NUP214: variants seen among roughly 807,000 people sequenced by gnomAD.
The protein encoded by NUP214 is nucleoporin 214.
Under a neutral mutation model 196.2 loss-of-function variants are expected in NUP214, and 79 were observed. That is an observed-to-expected ratio of 0.40 (90% confidence interval 0.34 to 0.49). The LOEUF is 0.49. Among genes scored for constraint, NUP214 ranks in the 20% least tolerant of loss-of-function variants. The pLI is 0.58. For missense variants in NUP214, 2,468 were observed against 2,539.0 expected (o/e 0.97, Z 0.60); for synonymous variants, 1,020 against 990.5 (o/e 1.03, Z -0.56).
chr9:131,186,436 T>C (rs887734444), intron 24 of NUP214, among the ~76,000 whole-genome samples: 3 of 152,272 alleles, frequency 2.0e-5, no homozygotes, highest in Non-Finnish European at 4.4e-5. Context: ...CTATCTTTTA[T>C]CTTCTAAGTT....
At chr9:131,188,208 C>T (rs1321036138) in intron 25 of NUP214, among the ~76,000 whole-genome samples, 2 of 152,328 alleles carry the variant, frequency 1.3e-5, no homozygotes, top group East Asian at 1.9e-4. Context: ...CTCCTGCAAT[C>T]CCTGTTTGTC....
At position 131,136,003 on chromosome 9, in the gene NUP214, T is replaced by G; in HGVS notation, c.1002T>G (p.Asp334Glu). 6.2e-7 allele frequency: 1 copy of G among 1,611,684 alleles called. No homozygotes were observed. The highest frequency in any genetic ancestry group is 8.5e-7 in the Non-Finnish European group (1 of 1,177,818). Residue 334 changes from aspartate (D) to glutamate (E), a missense_variant, in exon 9 of 36, where the codon GAT becomes GAG. By Grantham distance (45) the Asp-to-Glu change is conservative. Coordinates refer to ENST00000359428, the MANE Select transcript of NUP214 (RefSeq NM_005085.4). The stretch of plus-strand genomic sequence containing the variant: ...TTAGTATCCTTGCTCGACAAAGTGA[T>G]CAGGTAAATCTCTTTTTTGTCACTT... Reference protein sequence around the residue: ...TEVSILARQSDQINWESWLLE... With the variant: ...TEVSILARQSEQINWESWLLE...
intron 14 of NUP214, chr9:131,149,861 C>A (rs60917209): frequency 1.6e-3 from 244 of 155,376 alleles, no homozygotes; most frequent in African/African-American, 5.6e-3. Flanking sequence ...GCTAAGGTTT[C>A]TCCTGCCTTG....
rs923055175 is a variant in NUP214 at position 131,175,349 on chromosome 9, C to T, written c.3158-111C>T. 7 of 1,239,142 alleles carry T rather than the reference C, an allele frequency of 5.6e-6. No individual in the cohort carries two copies. The South Asian group carries it at 5.9e-5, about 10-fold the overall frequency. 76.8% of individuals were successfully genotyped at this position (1,239,142 alleles called of 1,614,324 possible). A position where few individuals can be genotyped will look rare whatever the true frequency, so the allele number is the denominator to read the frequency against. The stretch of plus-strand genomic sequence containing the variant: ...GTTTACTGGTACTTTTCTATGTTAA[C>T]GCTAATTTTAGCATTTTCCCTGCAG... On this transcript the variant is annotated intron_variant, in intron 22 of 35. Transcript: ENST00000359428.
chr9:131,179,206 A>G (rs1833198713), intron 24 of NUP214, among the ~76,000 whole-genome samples: 1 of 151,906 alleles, frequency 6.6e-6, no homozygotes, highest in Admixed American at 6.6e-5. Flanking sequence ...TTGCCATGTC[A>G]CCCCAGGCTG....
At chr9:131,221,721 G>A (rs1448427511) in intron 31 of NUP214, among the ~76,000 whole-genome samples, 1 of 152,132 alleles carries the variant, frequency 6.6e-6, no homozygotes, top group Non-Finnish European at 1.5e-5. Flanking sequence ...TTTATGCCTT[G>A]TGTCTTTGGG....
At chr9:131,219,641 G>C (rs1418819861) in intron 31 of NUP214, among the ~76,000 whole-genome samples, 1 of 152,180 alleles carries the variant, frequency 6.6e-6, no homozygotes, top group Non-Finnish European at 1.5e-5. Context: ...CACCACTGTG[G>C]ATTGTTACCC....
chr9:131,176,891 A>T (rs1833136137), intron 23 of NUP214, among the ~76,000 whole-genome samples: 1 of 152,136 alleles, frequency 6.6e-6, no homozygotes, highest in Non-Finnish European at 1.5e-5. Context: ...CCCCTGAAAC[A>T]GTTGGCAGTG....
chr9:131,215,512 ATC>A (rs1480968993), intron 31 of NUP214, 144 bp downstream of exon 31: 41 of 938,794 alleles, frequency 4.4e-5, no homozygotes, highest in Non-Finnish European at 5.9e-5. Flanking sequence ...AAGCAGTGTG[ATC>A]TGTTTTGCTT....
At chr9:131,177,533 G>C (rs1317628890) in intron 23 of NUP214, among the ~76,000 whole-genome samples, 2 of 152,156 alleles carry the variant, frequency 1.3e-5, no homozygotes, top group Non-Finnish European at 2.9e-5. Flanking sequence ...GCAGTCGTGG[G>C]CAAGATGTTC....
intron 26 of NUP214, among the ~76,000 whole-genome samples, chr9:131,189,503 C>T (rs1263383810): frequency 6.6e-6 from 1 of 152,092 alleles, no homozygotes; most frequent in Admixed American, 6.5e-5. Flanking sequence ...GAATGCTAAA[C>T]GCTATTTCTT....
rs1433034925 is a variant in NUP214, at chr9:131,125,784, A to T, written c.45+35A>T. The T allele has an allele frequency of 1.3e-6, 2 of 1,549,330 alleles. No individual in the cohort carries two copies. Among genetic ancestry groups the T allele is most frequent in the Admixed American group, 3.9e-5 (2 of 50,658 alleles). ...TAACCGGGGCCTCCCTCCCTTCTTT[A>T]GTCCTGGCGTTGCCTTGGAGCCCAG... On this transcript the variant is annotated intron_variant, in intron 1 of 35. Transcript: ENST00000359428. The surrounding 1 kb of genome is among the most constrained non-coding windows in gnomAD (Gnocchi z 4.1).
chr9:131,144,352 C>T lies in NUP214; in HGVS notation c.1367C>T (p.Ala456Val). 2 of 1,614,192 alleles carry T rather than the reference C, an allele frequency of 1.2e-6. No individual in the cohort carries two copies. The highest frequency in any genetic ancestry group is 3.3e-4 in the Middle Eastern group (2 of 6,048). The change falls in exon 12 of 36, where the codon GCC becomes GTC. Residue 456 changes from alanine (A) to valine (V), a missense_variant. Ala to Val is a moderately conservative substitution (Grantham distance 64). Coordinates refer to ENST00000359428, the MANE Select transcript of NUP214 (RefSeq NM_005085.4). Reference protein sequence around the residue: ...KLDASAAAAPASLPPSSPAAP... With the variant: ...KLDASAAAAPVSLPPSSPAAP... ...GATGCTTCTGCAGCTGCAGCCCCTGCCTCTCTGCCACCTTCATCACCTGCT... is the reference window on the plus strand; with the variant it reads ...GATGCTTCTGCAGCTGCAGCCCCTGTCTCTCTGCCACCTTCATCACCTGCT...
chr9:131,170,945 T>C (rs1832940205), intron 21 of NUP214, among the ~76,000 whole-genome samples: 1 of 152,186 alleles, frequency 6.6e-6, no homozygotes. Flanking sequence ...CTGCATCTAC[T>C]GAGATGATCA....
chr9:131,167,938 G>A (rs1449720043), intron 21 of NUP214, among the ~76,000 whole-genome samples: 1 of 152,240 alleles, frequency 6.6e-6, no homozygotes, highest in Non-Finnish European at 1.5e-5. Context: ...AGGCTGGAGT[G>A]TAGTGGTGCA....
intron 5 of NUP214, among the ~76,000 whole-genome samples, chr9:131,132,258 T>C (rs1831577373): frequency 6.6e-6 from 1 of 151,932 alleles, no homozygotes; most frequent in African/African-American, 2.4e-5. Context: ...TAGCTGGGAT[T>C]ACGGCACCCG....
At position 131,125,618 on chromosome 9, in the gene NUP214, A is replaced by C; in HGVS notation, c.-87A>C. 1.3e-6 allele frequency: 2 copies of C among 1,536,644 alleles called. No individual in the cohort carries two copies. Among genetic ancestry groups the C allele is most frequent in the Non-Finnish European group, 1.8e-6 (2 of 1,140,486 alleles). ...ACTGCGCGCCGCTGGCGCTGAGGGG[A>C]GGAAGTTTGCTGTCGAGCGGCCTGG... On this transcript the variant is annotated 5_prime_UTR_variant, in exon 1 of 36. Transcript: ENST00000359428. This position sits in a 1 kb window ranked among gnomAD's most constrained non-coding sequence, Gnocchi z 4.1.
rs1176768438 is a variant in NUP214, at chr9:131,198,774, T to G, written c.5280T>G (p.Ala1760=). 4.3e-6 allele frequency: 7 copies of G among 1,614,130 alleles called. No individual in the cohort carries two copies. The highest frequency in any genetic ancestry group is 5.9e-6 in the Non-Finnish European group (7 of 1,180,056). ...FSSVPAFGQP[A]SSTPTSTSGS... The stretch of plus-strand genomic sequence containing the variant: ...CCGTGCCTGCCTTCGGTCAGCCTGC[T>G]TCCTCCACTCCCACATCCACCAGTG... Residue 1760 remains alanine (A), a synonymous_variant, in exon 29 of 36, where the codon GCT becomes GCG. Coordinates refer to ENST00000359428, the MANE Select transcript of NUP214 (RefSeq NM_005085.4).
chr9:131,159,243 T>C (rs1312174099), intron 17 of NUP214, 140 bp from the exon 18 acceptor site: 2 of 644,218 alleles, frequency 3.1e-6, no homozygotes, highest in Non-Finnish European at 5.3e-6. Context: ...TTAAAAATCG[T>C]ATTAAAACCT....
Sources: gnomAD v4.1 joint callset for allele counts (sites outside exome capture counted in the v4.1 genomes callset) on GRCh38, gnomAD v4.1.1 for gene constraint, Gnocchi (gnomAD v3.1) non-coding constraint, MANE v1.5 for transcripts, NCBI Gene and HGNC (gene_info 2026-07-23, HGNC 2026-07-21) for gene names.